Variants in KCNIP4 observed in about 807,000 individuals in gnomAD.
KCNIP4 encodes the protein Kv channel-interacting protein 4.
A neutral mutation model predicts 34.0 loss-of-function variants in KCNIP4; 12 were observed. The observed-to-expected ratio is 0.35, with a 90% CI of 0.23 to 0.57. The LOEUF (loss-of-function observed/expected upper bound fraction) is 0.57, where lower values mean the gene tolerates loss of function less well. KCNIP4 is among the 20% of genes least tolerant of loss of function. KCNIP4 has a pLI of 0.83. For missense variants in KCNIP4, 238 were observed against 311.7 expected, an observed-to-expected ratio of 0.76 and a Z score of 1.78; for synonymous variants, 124 against 102.2, an observed-to-expected ratio of 1.21 and a Z score of -1.29.
intron 1 of KCNIP4, among the ~76,000 whole-genome samples, chr4:21,884,384 T>C (rs909707445): frequency 1.3e-5 from 2 of 151,954 alleles, no homozygotes; most frequent in African/African-American, 4.8e-5. Flanking sequence ...GAAAGTACAA[T>C]GGAGCCGTTG....
chr4:21,723,631 G>A (rs909971219), intron 1 of KCNIP4, among the ~76,000 whole-genome samples: 2 of 152,082 alleles, frequency 1.3e-5, no homozygotes, highest in Non-Finnish European at 2.9e-5. Flanking sequence ...TCACATGGGA[G>A]CTCAGTCATA....
At chr4:21,399,810 A>C (rs1723320803) in intron 1 of KCNIP4, among the ~76,000 whole-genome samples, 1 of 152,110 alleles carries the variant, frequency 6.6e-6, no homozygotes, top group Non-Finnish European at 1.5e-5. Context: ...TTCCTATGCA[A>C]TATTAGGAAA....
intron 1 of KCNIP4, among the ~76,000 whole-genome samples, chr4:21,015,865 T>G (rs904605585): frequency 5.0e-5 from 7 of 140,764 alleles, no homozygotes; most frequent in African/African-American, 1.8e-4. Flanking sequence ...ATATACAATA[T>G]ATAAAAATAT....
intron 2 of KCNIP4, among the ~76,000 whole-genome samples, chr4:20,859,637 A>G (rs9291415): frequency 0.24 from 36,272 of 151,962 alleles, 4,958 homozygotes; most frequent in African/African-American, 0.37. Flanking sequence ...ATCTAGGAAC[A>G]ACAGAATGCG....
chr4:20,852,339 T>C (rs185894071), intron 2 of KCNIP4, among the ~76,000 whole-genome samples: 35 of 152,286 alleles, frequency 2.3e-4, no homozygotes, highest in Non-Finnish European at 4.4e-5. Context: ...AGTCAATAAA[T>C]GTGATATACC....
intron 1 of KCNIP4, among the ~76,000 whole-genome samples, chr4:21,577,651 A>AACAT (rs1196912183): frequency 6.6e-6 from 1 of 151,818 alleles, no homozygotes; most frequent in Non-Finnish European, 1.5e-5. Context: ...CAAACAAACA[A>AACAT]ACAAACAAAA....
chr4:21,285,251 G>T (rs1274479800), intron 1 of KCNIP4, among the ~76,000 whole-genome samples: 1 of 151,778 alleles, frequency 6.6e-6, no homozygotes, highest in African/African-American at 2.4e-5. Flanking sequence ...TGCTTGAAAA[G>T]GTCTCCCAAA....
intron 1 of KCNIP4, among the ~76,000 whole-genome samples, chr4:21,100,622 G>A (rs1376133542): frequency 6.6e-6 from 1 of 152,068 alleles, no homozygotes; most frequent in Non-Finnish European, 1.5e-5. Flanking sequence ...TGATCAGCCA[G>A]CAGCCATCCA....
At chr4:21,316,773 T>C (rs1174312100) in intron 1 of KCNIP4, among the ~76,000 whole-genome samples, 2 of 152,190 alleles carry the variant, frequency 1.3e-5, no homozygotes, top group South Asian at 2.1e-4. Flanking sequence ...ATCACCAATA[T>C]GCTAAATGAT....
At chr4:21,451,001 A>G (rs17463629) in intron 1 of KCNIP4, among the ~76,000 whole-genome samples, 32,632 of 151,932 alleles carry the variant, frequency 0.21, 4,483 homozygotes, top group Non-Finnish European at 0.31. Flanking sequence ...ATAAGGACAA[A>G]TGTGTGGTTT....
chr4:20,821,433 C>T (rs1717090558), intron 3 of KCNIP4, among the ~76,000 whole-genome samples: 1 of 152,134 alleles, frequency 6.6e-6, no homozygotes, highest in African/African-American at 2.4e-5. Context: ...TACCTTGAGT[C>T]TCATCCATAT....
intron 1 of KCNIP4, among the ~76,000 whole-genome samples, chr4:21,549,580 A>G (rs2109013314): frequency 6.6e-6 from 1 of 152,122 alleles, no homozygotes; most frequent in Non-Finnish European, 1.5e-5. Context: ...TGTCTCCCAT[A>G]CAGCCTGCAG....
chr4:21,875,822 T>C lies in KCNIP4; in HGVS notation c.61+72749A>G, dbSNP rs145416416. On this transcript the variant is annotated intron_variant, in intron 1 of 8. Coordinates refer to ENST00000382152, the MANE Select transcript of KCNIP4 (RefSeq NM_025221.6). ...TTAATGTCAGATGCATTTTTTCTAA[T>C]TGGCACGAGAAATGCTTTTACTTCA... Among the ~76,000 whole-genome samples, 87 of 152,324 alleles carry C rather than the reference T, an allele frequency of 5.7e-4. 1 individual carries two copies. Among genetic ancestry groups the C allele is most frequent in the East Asian group, 4.2e-3 (22 of 5,184 alleles).
chr4:21,848,123 C>T (rs1478784956), intron 1 of KCNIP4: 3 of 152,100 alleles, frequency 2.0e-5, no homozygotes, highest in Non-Finnish European at 4.4e-5. Context: ...TTCTCAGCAG[C>T]TCAGATATTT....
intron 1 of KCNIP4, among the ~76,000 whole-genome samples, chr4:21,016,128 G>A (rs367964618): frequency 1.3e-5 from 2 of 150,324 alleles, no homozygotes; most frequent in African/African-American, 2.4e-5. Flanking sequence ...TCATTTGCAC[G>A]ATACACCCTG....
In KCNIP4 at chr4:21,473,266, A is replaced by G. The variant is rs182434342; in HGVS notation, c.61+475305T>C. ...CCAACTTTTCTGAAAAATACATAAAATATATATTTCTCAGTCAGGGAATAC... is the reference window on the plus strand; with the variant it reads ...CCAACTTTTCTGAAAAATACATAAAGTATATATTTCTCAGTCAGGGAATAC... On this transcript the variant is annotated intron_variant, in intron 1 of 8. Transcript: ENST00000382152. Among the ~76,000 whole-genome samples the G allele has an allele frequency of 3.3e-5, 5 of 152,276 alleles. No individual in the cohort carries two copies. In the East Asian group the frequency reaches 7.7e-4, roughly 24 times the overall value.
chr4:20,852,494 C>A (rs532285874), intron 2 of KCNIP4, among the ~76,000 whole-genome samples: 1 of 152,140 alleles, frequency 6.6e-6, no homozygotes, highest in Non-Finnish European at 1.5e-5. Flanking sequence ...TAAAAGCCAT[C>A]TATGACACAC....
At chr4:21,614,839 T>C (rs1384176287) in intron 1 of KCNIP4, among the ~76,000 whole-genome samples, 4 of 152,124 alleles carry the variant, frequency 2.6e-5, no homozygotes, top group Non-Finnish European at 5.9e-5. Flanking sequence ...AAAGGAGTCT[T>C]AATCATTGAG....
At chr4:21,527,421 T>C (rs1451048888) in intron 1 of KCNIP4, among the ~76,000 whole-genome samples, 1 of 152,156 alleles carries the variant, frequency 6.6e-6, no homozygotes, top group Non-Finnish European at 1.5e-5. Context: ...ATGGAAGATG[T>C]TGCAACATAA....
Sources: gnomAD v4.1 joint callset for allele counts (sites outside exome capture counted in the v4.1 genomes callset) on GRCh38, gnomAD v4.1.1 for gene constraint, MANE v1.5 for transcripts, NCBI Gene and HGNC (gene_info 2026-07-23, HGNC 2026-07-21) for gene names.